Variants in USP28 observed in about 807,000 individuals in gnomAD.
The protein encoded by USP28 is ubiquitin carboxyl-terminal hydrolase 28.
In USP28, 113 loss-of-function variants were observed where a neutral mutation model predicts 145.0. The observed-to-expected ratio is 0.78, with a 90% CI of 0.67 to 0.91. USP28 has a LOEUF of 0.91. USP28 is among the 40% of genes least tolerant of loss of function. The pLI, the probability that USP28 is intolerant of heterozygous loss-of-function variation, is 0.00. For missense variants in USP28, 1,201 were observed against 1,289.6 expected, an observed-to-expected ratio of 0.93 and a Z score of 1.05; for synonymous variants, 447 against 450.9, an observed-to-expected ratio of 0.99 and a Z score of 0.11.
intron 3 of USP28, among the ~76,000 whole-genome samples, chr11:113,845,471 A>C (rs2136282402): frequency 6.6e-6 from 1 of 151,722 alleles, no homozygotes; most frequent in African/African-American, 2.4e-5. Context: ...AAATAAAATA[A>C]ATGATGCAAC....
chr11:113,843,211 G>A (rs1009673732), intron 3 of USP28, among the ~76,000 whole-genome samples: 6 of 150,944 alleles, frequency 4.0e-5, no homozygotes, highest in Admixed American at 1.3e-4. Flanking sequence ...CAGCCTGGGC[G>A]ACAGAGTGAG....
At chr11:113,814,860 C>T (rs190551180) in intron 14 of USP28, among the ~76,000 whole-genome samples, 1 of 150,532 alleles carries the variant, frequency 6.6e-6, no homozygotes, top group Non-Finnish European at 1.5e-5. Context: ...ACCAGCCTGA[C>T]CAACATGGTG....
At chr11:113,829,488 C>G (rs1357732397) in intron 9 of USP28, 143 bp from the exon 10 acceptor site, 1 of 923,552 alleles carries the variant, frequency 1.1e-6, no homozygotes, top group East Asian at 2.6e-5. Context: ...ATAGCAACCT[C>G]TAGTGAGCCA....
intron 1 of USP28, chr11:113,874,978 T>C (rs867140360): frequency 1.1e-6 from 1 of 938,212 alleles, no homozygotes; most frequent in African/African-American, 1.8e-5. Context: ...CCCCTGGTCT[T>C]ATAGAAGACG....
chr11:113,827,089 A>G, intron 11 of USP28, 144 bp downstream of exon 11: 1 of 1,013,016 alleles, frequency 9.9e-7, no homozygotes, highest in Admixed American at 3.1e-5. Context: ...AGAAAAAGGC[A>G]AAGACCCTCA....
At chr11:113,846,394 C>T (rs73554845) in intron 3 of USP28, among the ~76,000 whole-genome samples, 2,064 of 152,198 alleles carry the variant, frequency 0.014, 46 homozygotes, top group African/African-American at 0.045. Flanking sequence ...GATATTATGC[C>T]AAATTAAATA....
At chr11:113,798,782 A>G (rs987811227) in exon 25 of USP28, 2 of 152,542 alleles carry the variant, frequency 1.3e-5, no homozygotes, top group African/African-American at 4.8e-5. Context: ...GAGCCAGGCA[A>G]GGTTTATATT....
At chr11:113,869,290 G>A (rs1216101370) in intron 1 of USP28, among the ~76,000 whole-genome samples, 6 of 152,112 alleles carry the variant, frequency 3.9e-5, no homozygotes, top group East Asian at 1.9e-4. Flanking sequence ...AAAATTAGGC[G>A]TGGTGGCATG....
At chr11:113,824,464 C>T (rs1444303639) in intron 11 of USP28, among the ~76,000 whole-genome samples, 1 of 151,756 alleles carries the variant, frequency 6.6e-6, no homozygotes, top group Non-Finnish European at 1.5e-5. Flanking sequence ...ATTACAGGTG[C>T]CCATCACCAA....
At chr11:113,815,090 G>T in intron 14 of USP28, 84 bp downstream of exon 14, 1 of 1,187,194 alleles carries the variant, frequency 8.4e-7, no homozygotes, top group African/African-American at 1.5e-5. Context: ...AGTAATGTCA[G>T]GAAGTGTACC....
intron 1 of USP28, among the ~76,000 whole-genome samples, chr11:113,860,426 A>T (rs1259847236): frequency 6.7e-6 from 1 of 148,240 alleles, no homozygotes; most frequent in African/African-American, 2.5e-5. Context: ...AATAAAACTT[A>T]AGTACCCAAG....
chr11:113,806,530 G>T, exon 19 of USP28: 1 of 1,608,900 alleles, frequency 6.2e-7, no homozygotes, highest in Non-Finnish European at 8.5e-7. Context: ...TCAAAGGTCT[G>T]ACGGGCTTTA....
intron 1 of USP28, 114 bp from the exon 2 acceptor site, chr11:113,854,449 T>A (rs1225265220): frequency 4.4e-6 from 4 of 915,754 alleles, no homozygotes; most frequent in Non-Finnish European, 6.6e-6. Context: ...TTGCCCAGGC[T>A]GGAGTGCAGT....
At chr11:113,867,904 G>T (rs1948453267) in intron 1 of USP28, among the ~76,000 whole-genome samples, 1 of 152,164 alleles carries the variant, frequency 6.6e-6, no homozygotes, top group Non-Finnish European at 1.5e-5. Context: ...GATTGAAAAA[G>T]AAAATGTTGT....
chr11:113,802,553 C>CA (rs1268066405), intron 23 of USP28, among the ~76,000 whole-genome samples: 1 of 152,182 alleles, frequency 6.6e-6, no homozygotes, highest in Non-Finnish European at 1.5e-5. Context: ...ACATAAACCC[C>CA]TGGGGAGGCA....
At chr11:113,843,701 A>T (rs199780016) in intron 3 of USP28, among the ~76,000 whole-genome samples, 12 of 151,518 alleles carry the variant, frequency 7.9e-5, no homozygotes, top group Non-Finnish European at 1.0e-4. Flanking sequence ...CTAAAAAAAA[A>T]TTTTTTTAAT....
At chr11:113,829,821 T>C (rs1943781718) in intron 9 of USP28, among the ~76,000 whole-genome samples, 1 of 65,200 alleles carries the variant, frequency 1.5e-5, no homozygotes, top group African/African-American at 4.7e-5. Context: ...CAAGGACTTG[T>C]CTCAAAAAAA....
intron 14 of USP28, 86 bp downstream of exon 14, chr11:113,815,088 C>T (rs939492512): frequency 1.7e-6 from 2 of 1,168,106 alleles, no homozygotes; most frequent in Non-Finnish European, 2.5e-6. Flanking sequence ...ACAGTAATGT[C>T]AGGAAGTGTA....
At chr11:113,850,279 A>G (rs766196136) in intron 3 of USP28, among the ~76,000 whole-genome samples, 1 of 152,178 alleles carries the variant, frequency 6.6e-6, no homozygotes, top group Non-Finnish European at 1.5e-5. Context: ...AAACTCTCGC[A>G]TACAAGGACA....
Sources: gnomAD v4.1 joint callset for allele counts (sites outside exome capture counted in the v4.1 genomes callset) on GRCh38, gnomAD v4.1.1 for gene constraint, MANE v1.5 for transcripts, NCBI Gene and HGNC (gene_info 2026-07-23, HGNC 2026-07-21) for gene names.